Variants in NPAS3 observed in about 807,000 individuals in gnomAD.
The protein encoded by NPAS3 is neuronal PAS domain protein 3, also known as neuronal PAS domain-containing protein 3.
Under a neutral mutation model 73.1 loss-of-function variants are expected in NPAS3, and 14 were observed. The ratio of observed to expected loss-of-function variants is 0.19; its 90% CI spans 0.13 to 0.30. The LOEUF (loss-of-function observed/expected upper bound fraction) is 0.30. Ranked by LOEUF, NPAS3 falls within the 10% of genes least tolerant of loss-of-function variation. The pLI, the probability that NPAS3 is intolerant of heterozygous loss-of-function variation, is 1.00. For synonymous variants in NPAS3, 620 were observed against 541.5 expected (o/e 1.14, Z -2.01); for missense variants, 1,096 against 1,250.0 (o/e 0.88, Z 1.86).
Position 33,735,062 on chromosome 14 carries a change from A to T in NPAS3, c.734-152A>T, listed in dbSNP as rs2061489022. 6.2e-6 allele frequency: 4 copies of T among 644,738 alleles called. No homozygotes were observed. In the Admixed American group the frequency reaches 9.6e-5, roughly 15 times the overall value. The allele number at this position is 644,738 out of a possible 1,614,324, so 39.9% of individuals were successfully genotyped here. A position where few individuals can be genotyped will look rare whatever the true frequency, so the allele number is the denominator to read the frequency against. ...TTCTTTTTTATTTTCCGCAAAGTAAACATTTTCTAAATGAGGTAAATTGAT... is the reference window on the plus strand; with the variant it reads ...TTCTTTTTTATTTTCCGCAAAGTAATCATTTTCTAAATGAGGTAAATTGAT... On this transcript the variant is annotated intron_variant, in intron 6 of 11. Transcript: ENST00000356141.
At chr14:33,218,795 G>A (rs1011612060) in intron 3 of NPAS3, among the ~76,000 whole-genome samples, 1 of 152,082 alleles carries the variant, frequency 6.6e-6, no homozygotes, top group African/African-American at 2.4e-5. Flanking sequence ...TTTAATTTAT[G>A]GCTTCAGAAA....
At chr14:33,801,140 C>G, downstream of NPAS3, 8 of 1,547,698 alleles carry the variant, frequency 5.2e-6, no homozygotes, top group Non-Finnish European at 6.1e-6. Flanking sequence ...CGGCCAGGCC[C>G]CGCTTGGAGG....
At chr14:32,991,577 T>C (rs1252807522) in intron 1 of NPAS3, among the ~76,000 whole-genome samples, 1 of 152,166 alleles carries the variant, frequency 6.6e-6, no homozygotes, top group African/African-American at 2.4e-5. Flanking sequence ...AAATAACACA[T>C]GTAATTCATT....
At chr14:33,308,249 T>C (rs1032510809) in intron 3 of NPAS3, among the ~76,000 whole-genome samples, 1 of 152,080 alleles carries the variant, frequency 6.6e-6, no homozygotes, top group Non-Finnish European at 1.5e-5. Flanking sequence ...TGCCATACCG[T>C]ACATTACTGG....
intron 3 of NPAS3, among the ~76,000 whole-genome samples, chr14:33,243,307 A>G (rs2048270100): frequency 6.6e-6 from 1 of 152,166 alleles, no homozygotes; most frequent in Non-Finnish European, 1.5e-5. Flanking sequence ...ACATATAATC[A>G]CTATATCTGA....
intron 6 of NPAS3, among the ~76,000 whole-genome samples, chr14:33,726,007 C>T (rs1000808038): frequency 3.9e-5 from 6 of 152,152 alleles, no homozygotes; most frequent in African/African-American, 1.2e-4. Flanking sequence ...TTATTTCCCC[C>T]ATTTCAAAGG....
chr14:33,115,915 T>G (rs936947921), intron 2 of NPAS3, among the ~76,000 whole-genome samples: 30 of 152,234 alleles, frequency 2.0e-4, no homozygotes, highest in African/African-American at 7.2e-4. Flanking sequence ...TTTATAGACT[T>G]TAAAATGTCT....
intron 7 of NPAS3, among the ~76,000 whole-genome samples, chr14:33,752,828 G>C (rs773007725): frequency 1.3e-5 from 2 of 152,104 alleles, no homozygotes; most frequent in Non-Finnish European, 2.9e-5. Context: ...CTGTCTTTCT[G>C]ATATTTTTTT....
intron 6 of NPAS3, among the ~76,000 whole-genome samples, chr14:33,732,625 T>C (rs945064968): frequency 2.6e-5 from 4 of 152,176 alleles, no homozygotes; most frequent in Non-Finnish European, 5.9e-5. Flanking sequence ...TTGCCCTGTC[T>C]CCTTCTCTTG....
chr14:33,777,202 G>A (rs2062847145), intron 8 of NPAS3, among the ~76,000 whole-genome samples: 1 of 152,152 alleles, frequency 6.6e-6, no homozygotes, highest in Non-Finnish European at 1.5e-5. Context: ...CTCATTTGCA[G>A]AAAGGGGGTT....
At chr14:33,261,567 T>G (rs2048979083) in intron 3 of NPAS3, among the ~76,000 whole-genome samples, 1 of 152,192 alleles carries the variant, frequency 6.6e-6, no homozygotes, top group Non-Finnish European at 1.5e-5. Flanking sequence ...GTTTTAATGT[T>G]GCATTTAAAC....
At chr14:33,775,497 T>C (rs1184778674) in intron 8 of NPAS3, among the ~76,000 whole-genome samples, 1 of 152,116 alleles carries the variant, frequency 6.6e-6, no homozygotes, top group East Asian at 1.9e-4. Context: ...ACCAAGAAGA[T>C]AGCCCCTGCA....
At chr14:33,455,751 C>T (rs548488730) in intron 4 of NPAS3, among the ~76,000 whole-genome samples, 1 of 152,180 alleles carries the variant, frequency 6.6e-6, no homozygotes, top group Non-Finnish European at 1.5e-5. Flanking sequence ...GACTGCTAAA[C>T]GTGGTGACAT....
intron 1 of NPAS3, 150 bp from the exon 2 acceptor site, chr14:33,055,755 T>A (rs1595345405): frequency 1.2e-5 from 6 of 481,016 alleles, no homozygotes; most frequent in Non-Finnish European, 2.2e-5. Context: ...AAGTTAATGT[T>A]CTAAAATGTA....
At chr14:33,223,205 G>A (rs747532811) in intron 3 of NPAS3, among the ~76,000 whole-genome samples, 20 of 152,130 alleles carry the variant, frequency 1.3e-4, no homozygotes, top group South Asian at 4.2e-4. Flanking sequence ...CAGCTACTCC[G>A]GAAGCTGAGG....
At chr14:33,430,152 C>T (rs898521954) in intron 4 of NPAS3, among the ~76,000 whole-genome samples, 1 of 152,114 alleles carries the variant, frequency 6.6e-6, no homozygotes, top group Admixed American at 6.6e-5. Context: ...CTTGTTGTTG[C>T]TCTTGCAAGC....
At chr14:33,473,289 T>A (rs2050871238) in intron 4 of NPAS3, among the ~76,000 whole-genome samples, 4 of 152,094 alleles carry the variant, frequency 2.6e-5, no homozygotes, top group Admixed American at 2.6e-4. Context: ...ACCTCCTGAG[T>A]CTAAATCCTC....
chr14:33,776,825 C>T lies in NPAS3; in HGVS notation c.1047-1641C>T, dbSNP rs1231033811. On this transcript the variant is annotated intron_variant, in intron 8 of 11. Transcript: ENST00000356141. ...GGATTCTGATCCTGGTGTAGGTCAT[C>T]CAACTGGTCTGGTGCTTTTGAGATA... is the stretch of plus-strand genomic sequence containing the variant. Among the ~76,000 whole-genome samples, 5 of 151,906 alleles carry T rather than the reference C, an allele frequency of 3.3e-5. No homozygotes were observed. The East Asian group carries it at 9.7e-4, about 29-fold the overall frequency.
intron 7 of NPAS3, among the ~76,000 whole-genome samples, chr14:33,750,970 T>C (rs1388841710): frequency 6.6e-6 from 1 of 152,020 alleles, no homozygotes; most frequent in Non-Finnish European, 1.5e-5. Flanking sequence ...TACAGAGATA[T>C]GAAGGAAGGG....
Sources: allele counts gnomAD v4.1 joint callset (sites outside exome capture counted in the v4.1 genomes callset), GRCh38; gene constraint gnomAD v4.1.1; transcripts MANE v1.5; gene names NCBI Gene and HGNC (gene_info 2026-07-23, HGNC 2026-07-21).